The following NRCAM variants were observed in gnomAD, a reference collection of about 807,000 sequenced individuals.
NRCAM encodes the protein neuronal cell adhesion molecule, also known as NgCAM-related cell adhesion molecule.
In NRCAM, 83 loss-of-function variants were observed where a neutral mutation model predicts 156.5. The observed-to-expected ratio is 0.53, with a 90% CI of 0.44 to 0.64. The LOEUF is 0.64. Ranked by LOEUF, NRCAM falls within the 30% of genes least tolerant of loss-of-function variation. The probability of loss-of-function intolerance (pLI) is 0.00; values close to 1 mark genes in which losing one functional copy is unlikely to be tolerated. For missense variants in NRCAM, 1,417 were observed against 1,597.3 expected, an observed-to-expected ratio of 0.89 and a Z score of 1.92; for synonymous variants, 538 against 563.9, an observed-to-expected ratio of 0.95 and a Z score of 0.65.
intron 3 of NRCAM, among the ~76,000 whole-genome samples, chr7:108,283,467 T>C (rs967927464): frequency 6.6e-6 from 1 of 152,172 alleles, no homozygotes; most frequent in African/African-American, 2.4e-5. Flanking sequence ...ATGTGGACTT[T>C]GAAGCACTTG....
At chr7:108,187,927 C>G (rs575052214) in intron 20 of NRCAM, among the ~76,000 whole-genome samples, 1 of 151,874 alleles carries the variant, frequency 6.6e-6, no homozygotes, top group East Asian at 1.9e-4. Flanking sequence ...TGCACTCCAG[C>G]CTGGGCAACA....
intron 2 of NRCAM, among the ~76,000 whole-genome samples, chr7:108,381,912 C>A (rs1252972146): frequency 6.6e-6 from 1 of 152,102 alleles, no homozygotes; most frequent in Admixed American, 6.6e-5. Context: ...CTATCTAGGG[C>A]AGACAGGTAT....
chr7:108,360,749 A>C (rs1563432911), intron 2 of NRCAM, among the ~76,000 whole-genome samples: 1 of 152,186 alleles, frequency 6.6e-6, no homozygotes, highest in Non-Finnish European at 1.5e-5. Flanking sequence ...AAGAAAGAAT[A>C]GTTTTTTCAA....
intron 1 of NRCAM, among the ~76,000 whole-genome samples, chr7:108,433,146 C>G (rs545118248): frequency 1.3e-5 from 2 of 152,174 alleles, no homozygotes; most frequent in African/African-American, 2.4e-5. Context: ...TTCTGTGCTT[C>G]TGTGTGTAGA....
intron 2 of NRCAM, among the ~76,000 whole-genome samples, chr7:108,338,621 C>G (rs201287327): frequency 2.3e-5 from 2 of 85,886 alleles, no homozygotes; most frequent in African/African-American, 6.3e-5. Flanking sequence ...AGGAGAGAGA[C>G]ACAGAGAGGG....
Position 108,181,807 on chromosome 7 carries a change from T to G in NRCAM, c.2646+15A>C. Reference sequence around the variant, plus strand: ...CCTTACTAAATAAAGCCACAAAAGGTCCCCTTTCACTTGCCCGATAGCCTT... The same window carrying G: ...CCTTACTAAATAAAGCCACAAAAGGGCCCCTTTCACTTGCCCGATAGCCTT... On this transcript the variant is annotated intron_variant, in intron 24 of 32. Coordinates refer to ENST00000379028, the MANE Select transcript of NRCAM (RefSeq NM_001037132.4). The G allele has an allele frequency of 6.3e-7, 1 of 1,581,618 alleles. No homozygotes were observed. Among genetic ancestry groups the G allele is most frequent in the East Asian group, 2.2e-5 (1 of 44,718 alleles).
At position 108,149,802 on chromosome 7, in the gene NRCAM, G is replaced by T; in HGVS notation, c.*108C>A. 1.2e-6 allele frequency: 1 copy of T among 852,258 alleles called. No homozygotes were observed. Among genetic ancestry groups the T allele is most frequent in the Non-Finnish European group, 1.9e-6 (1 of 532,900 alleles). The allele number at this position is 852,258 out of a possible 1,614,324, so 52.8% of individuals were successfully genotyped here. ...ACTATTCTCATAATACTAACATACA[G>T]CAGAAAATATACTCTCTACCCATAT... On this transcript the variant is annotated 3_prime_UTR_variant, in exon 33 of 33. Coordinates refer to ENST00000379028, the MANE Select transcript of NRCAM (RefSeq NM_001037132.4).
At chr7:108,255,095 A>C (rs1030664471) in intron 3 of NRCAM, among the ~76,000 whole-genome samples, 2 of 152,188 alleles carry the variant, frequency 1.3e-5, no homozygotes, top group African/African-American at 4.8e-5. Context: ...TGAACTACTG[A>C]TATATGCAAC....
At chr7:108,247,990 A>G (rs1047277498) in intron 3 of NRCAM, among the ~76,000 whole-genome samples, 1 of 152,236 alleles carries the variant, frequency 6.6e-6, no homozygotes, top group African/African-American at 2.4e-5. Context: ...CTGCTCTAAA[A>G]GTGAGGTCTG....
chr7:108,301,934 T>C (rs1276501842), intron 3 of NRCAM, among the ~76,000 whole-genome samples: 2 of 152,122 alleles, frequency 1.3e-5, no homozygotes, highest in African/African-American at 2.4e-5. Flanking sequence ...TAGGGTTAAA[T>C]GCCTTTCATC....
chr7:108,323,426 T>C (rs1413332158), intron 2 of NRCAM, among the ~76,000 whole-genome samples: 3 of 152,214 alleles, frequency 2.0e-5, no homozygotes, highest in South Asian at 2.1e-4. Context: ...GAATCAGCTA[T>C]CCAGTACACC....
chr7:108,358,523 T>C (rs902802969), intron 2 of NRCAM, among the ~76,000 whole-genome samples: 1 of 152,092 alleles, frequency 6.6e-6, no homozygotes, highest in Non-Finnish European at 1.5e-5. Flanking sequence ...GTAGGTTTCA[T>C]ACAGAAGCTT....
intron 3 of NRCAM, among the ~76,000 whole-genome samples, chr7:108,300,229 A>G: frequency 7.1e-6 from 1 of 141,300 alleles, no homozygotes; most frequent in East Asian, 2.1e-4. Flanking sequence ...CCTGATATTG[A>G]AAAAACACTG....
intron 1 of NRCAM, among the ~76,000 whole-genome samples, chr7:108,409,593 T>C (rs1792799127): frequency 6.6e-6 from 1 of 152,238 alleles, no homozygotes; most frequent in Non-Finnish European, 1.5e-5. Context: ...CGCTCCTCCT[T>C]CATTCTGATG....
intron 3 of NRCAM, among the ~76,000 whole-genome samples, chr7:108,295,679 T>G (rs554079687): frequency 6.6e-6 from 1 of 152,334 alleles, no homozygotes; most frequent in Non-Finnish European, 1.5e-5. Context: ...CTCATAGCAT[T>G]CATTGTTTCT....
intron 2 of NRCAM, among the ~76,000 whole-genome samples, chr7:108,335,989 A>G (rs2099185042): frequency 2.6e-5 from 4 of 152,194 alleles, no homozygotes; most frequent in African/African-American, 9.6e-5. Flanking sequence ...CCTCTCTCCT[A>G]TTTGATTTGA....
intron 3 of NRCAM, among the ~76,000 whole-genome samples, chr7:108,250,791 T>G (rs972929316): frequency 3.3e-5 from 5 of 152,156 alleles, no homozygotes; most frequent in African/African-American, 9.7e-5. Context: ...CATAAATGCT[T>G]GAGGGGATGG....
chr7:108,411,276 C>G (rs535457082), intron 1 of NRCAM, among the ~76,000 whole-genome samples: 5 of 152,020 alleles, frequency 3.3e-5, no homozygotes, highest in African/African-American at 1.2e-4. Context: ...TACATTTTGG[C>G]TTTTATTTAA....
intron 29 of NRCAM, among the ~76,000 whole-genome samples, chr7:108,167,432 C>G (rs2055233017): frequency 6.7e-6 from 1 of 149,016 alleles, no homozygotes; most frequent in East Asian, 1.9e-4. Context: ...CATTAATTAG[C>G]TTAAGTGAAC....
Sources: allele counts gnomAD v4.1 joint callset (sites outside exome capture counted in the v4.1 genomes callset), GRCh38; gene constraint gnomAD v4.1.1; transcripts MANE v1.5; gene names NCBI Gene and HGNC (gene_info 2026-07-23, HGNC 2026-07-21).